Variants in FRMPD3 observed in about 807,000 individuals in gnomAD.
FRMPD3 encodes FERM and PDZ domain-containing protein 3.
A neutral mutation model predicts 97.9 loss-of-function variants in FRMPD3; 42 were observed. The observed-to-expected ratio is 0.43, with a 90% confidence interval of 0.34 to 0.55. FRMPD3 has a LOEUF of 0.55. Among genes scored for constraint, FRMPD3 ranks in the 20% least tolerant of loss-of-function variants. The pLI is 0.03. For missense variants in FRMPD3, 1,303 were observed against 1,457.7 expected (o/e 0.89, Z 1.73); for synonymous variants, 577 against 581.1 (o/e 0.99, Z 0.10).
intron 2 of FRMPD3, among the ~76,000 whole-genome samples, chrX:107,528,537 C>T (rs2147551545): frequency 8.9e-6 from 1 of 112,139 alleles, no homozygotes; most frequent in South Asian, 3.8e-4. Flanking sequence ...AGGAATTGTC[C>T]CTTGGATGGT....
In FRMPD3 at chrX:107,526,677, A is replaced by G. The variant is rs746874142; in HGVS notation, c.89A>G (p.Tyr30Cys). 8.3e-7 allele frequency: 1 copy of G among 1,207,592 alleles called. No individual in the cohort carries two copies. The highest frequency in any genetic ancestry group is 3.0e-5 in the East Asian group (1 of 33,788). Residue 30 changes from tyrosine (Y) to cysteine (C), a missense_variant, in exon 2 of 15, where the codon TAT becomes TGT. Transcript: ENST00000683843. Reference sequence around the variant, plus strand: ...GTGACCGTTCACCGAGACCCTATATATGGCTTTGGCTTCGTGGCTGGCAGT... The same window carrying G: ...GTGACCGTTCACCGAGACCCTATATGTGGCTTTGGCTTCGTGGCTGGCAGT... Reference protein sequence around the residue: ...RQVTVHRDPIYGFGFVAGSER... With the variant: ...RQVTVHRDPICGFGFVAGSER...
At chrX:107,485,558 T>C (rs995804423) in intron 1 of FRMPD3, among the ~76,000 whole-genome samples, 2 of 112,645 alleles carry the variant, frequency 1.8e-5, no homozygotes, top group African/African-American at 6.4e-5. Flanking sequence ...CTCAGTGCTG[T>C]GTTCAATAAG....
At chrX:107,592,793 C>CTTTTT (rs35096358) in intron 13 of FRMPD3, among the ~76,000 whole-genome samples, 23 of 71,323 alleles carry the variant, frequency 3.2e-4, no homozygotes, top group Non-Finnish European at 4.3e-4. Context: ...TATGACCATT[C>CTTTTT]TTTTTTTTTT....
At chrX:107,456,167 G>T (rs958276718) in intron 1 of FRMPD3, among the ~76,000 whole-genome samples, 4 of 109,679 alleles carry the variant, frequency 3.6e-5, no homozygotes, top group African/African-American at 1.3e-4. Context: ...GGGCTCAAGT[G>T]ATCCTCCCAC....
chrX:107,576,818 T>C (rs1243174152), intron 13 of FRMPD3, among the ~76,000 whole-genome samples: 1 of 111,331 alleles, frequency 9.0e-6, no homozygotes, highest in East Asian at 2.8e-4. Context: ...TCTGGCTCAG[T>C]TGAAGTGAAG....
At chrX:107,469,123 T>C (rs1194121509) in intron 1 of FRMPD3, among the ~76,000 whole-genome samples, 1 of 111,688 alleles carries the variant, frequency 9.0e-6, no homozygotes, top group African/African-American at 3.3e-5. Context: ...TTGGACTTGA[T>C]CCAGTAGGCA....
At position 107,603,562 on chromosome X, in the gene FRMPD3, C is replaced by G; in HGVS notation, c.*189C>G. The stretch of plus-strand genomic sequence containing the variant: ...TTAAGGGCTGCAGGCTTAGCTGCCG[C>G]CCTGGGTGTCCTCACCCCTTCCCTG... On this transcript the variant is annotated 3_prime_UTR_variant, in exon 15 of 15. Transcript: ENST00000683843. 1.1e-6 allele frequency: 1 copy of G among 884,431 alleles called. No individual in the cohort carries two copies. The highest frequency in any genetic ancestry group is 1.5e-6 in the Non-Finnish European group (1 of 666,837). The allele number at this position is 884,431 out of a possible 1,213,427, so 72.9% of individuals were successfully genotyped here.
In FRMPD3 at chrX:107,600,285, C is replaced by G. The variant is rs964353513; in HGVS notation, c.2264-18C>G. The G allele has an allele frequency of 1.8e-5, 21 of 1,189,243 alleles. No individual in the cohort carries two copies. Among genetic ancestry groups the G allele is most frequent in the Non-Finnish European group, 2.3e-5 (20 of 883,702 alleles). ...TTGATTTCAGTAAGCATAACAAGCC[C>G]TATCCCTGTTCCTCCAGGTCTGATT... On this transcript the variant is annotated intron_variant, in intron 14 of 14. Coordinates refer to ENST00000683843, the MANE Select transcript of FRMPD3 (RefSeq NM_001388459.1).
rs943120814 is a variant in FRMPD3, at chrX:107,603,230, C to T, written c.5191C>T (p.Gln1731Ter). Residue 1731 changes from glutamine (Q) to a stop codon, truncating the protein, a stop_gained, in exon 15 of 15, where the codon CAG becomes TAG. Transcript: ENST00000683843. LOFTEE classifies it high-confidence loss of function. Reference sequence around the variant, plus strand: ...ACAACAGCAGCAGCAGCAACAACAACAGCAGCAGCAACAACAACAGCAGCA... The same window carrying T: ...ACAACAGCAGCAGCAGCAACAACAATAGCAGCAGCAACAACAACAGCAGCA... ...QQQQQQQQQQ[Q>*]QQQQQQQQQQ... 8.8e-7 allele frequency: 1 copy of T among 1,135,812 alleles called. No individual in the cohort carries two copies. The highest frequency in any genetic ancestry group is 1.2e-6 in the Non-Finnish European group (1 of 859,170). 93.6% of individuals were successfully genotyped at this position (1,135,812 alleles called of 1,213,427 possible). A position where few individuals can be genotyped will look rare whatever the true frequency, so the allele number is the denominator to read the frequency against.
rs763498495 is a variant in FRMPD3 at position 107,598,051 on chromosome X, G to C, written c.2172G>C (p.Glu724Asp). 2.5e-6 allele frequency: 3 copies of C among 1,210,612 alleles called. No homozygotes were observed. The highest frequency in any genetic ancestry group is 3.4e-6 in the Non-Finnish European group (3 of 895,190). ...GGACAGTTCGAGATCATGCCCAGGA[G>C]CTAGATGATGCCCTGGTGTCCACTC... ...QTRTVRDHAQ[E>D]LDDALVSTLQ... The change falls in exon 14 of 15, where the codon GAG (glutamate) becomes GAC (aspartate). Residue 724 changes from glutamate to aspartate, a missense_variant. This residue lies in a region of FRMPD3 where 535 missense variants were observed against 618.6 expected (regional missense o/e 0.86). Coordinates refer to ENST00000683843, the MANE Select transcript of FRMPD3 (RefSeq NM_001388459.1).
At chrX:107,516,400 A>G (rs1440605982) in intron 1 of FRMPD3, among the ~76,000 whole-genome samples, 2 of 111,463 alleles carry the variant, frequency 1.8e-5, no homozygotes, top group African/African-American at 3.3e-5. Flanking sequence ...CAGTAATGGG[A>G]TGGATGGGTC....
intron 4 of FRMPD3, among the ~76,000 whole-genome samples, chrX:107,540,772 G>A (rs1372884239): frequency 8.9e-6 from 1 of 112,221 alleles, no homozygotes; most frequent in African/African-American, 3.2e-5. Context: ...TATGCTTAAT[G>A]GATTGGGATC....
chrX:107,594,106 A>AT (rs921531753), intron 13 of FRMPD3, among the ~76,000 whole-genome samples: 17 of 110,248 alleles, frequency 1.5e-4, no homozygotes, highest in African/African-American at 3.6e-4. Context: ...TTGGTGTTTT[A>AT]TTTTTTTTGC....
At chrX:107,554,364 C>T in intron 7 of FRMPD3, 21 bp from the exon 8 acceptor site, 1 of 1,202,152 alleles carries the variant, frequency 8.3e-7, no homozygotes, top group Non-Finnish European at 1.1e-6. Flanking sequence ...TTTCTTCTCC[C>T]CTTTCATCCC....
rs769385356 is a variant in FRMPD3, at chrX:107,564,822, GC to G, written c.1117-63del. 1.3e-4 allele frequency: 143 copies of G among 1,104,578 alleles called. 1 individual carries two copies. In the South Asian group the frequency reaches 2.5e-3, roughly 20 times the overall value. The allele number at this position is 1,104,578 out of a possible 1,213,427, so 91.0% of individuals were successfully genotyped here. A position where few individuals can be genotyped will look rare whatever the true frequency, so the allele number is the denominator to read the frequency against. On this transcript the variant is annotated intron_variant, in intron 11 of 14. Coordinates refer to ENST00000683843, the MANE Select transcript of FRMPD3 (RefSeq NM_001388459.1). ...TGCATGTTTTCTATTTCCTCCTCCT[GC>G]CTCCTCTCCCCACCTCCTCCACCCT...
Position 107,603,325 on chromosome X carries a change from G to A in FRMPD3, c.5286G>A (p.Ala1762=), listed in dbSNP as rs747215650. The A allele has an allele frequency of 8.7e-6, 10 of 1,151,351 alleles. No individual in the cohort carries two copies. In the East Asian group the frequency reaches 1.7e-4, roughly 19 times the overall value. The allele number at this position is 1,151,351 out of a possible 1,213,427, so 94.9% of individuals were successfully genotyped here. Residue 1762 remains alanine, a synonymous_variant, in exon 15 of 15, where the codon GCG becomes GCA. Coordinates refer to ENST00000683843, the MANE Select transcript of FRMPD3 (RefSeq NM_001388459.1). ...TEHPPGSPTS[A]TVMSTFTHSL... is the part of the protein sequence containing the mutation. ...ATCCACCAGGCTCCCCAACTTCGGC[G>A]ACTGTTATGAGCACATTCACCCACT...
At chrX:107,488,843 T>A (rs1434127049) in intron 1 of FRMPD3, among the ~76,000 whole-genome samples, 1 of 111,070 alleles carries the variant, frequency 9.0e-6, no homozygotes, top group Admixed American at 9.6e-5. Context: ...TTTTATTTTA[T>A]TATTATTATA....
At chrX:107,539,257 A>G (rs901276757) in intron 4 of FRMPD3, among the ~76,000 whole-genome samples, 22 of 111,613 alleles carry the variant, frequency 2.0e-4, no homozygotes, top group Non-Finnish European at 3.8e-4. Context: ...GAGGGGTCAC[A>G]GGAGTTCTTT....
chrX:107,472,473 A>G (rs919158521), intron 1 of FRMPD3, among the ~76,000 whole-genome samples: 2 of 110,946 alleles, frequency 1.8e-5, no homozygotes, highest in Non-Finnish European at 3.8e-5. Context: ...ATTTTTGTAT[A>G]AGGGCCAAGG....
Sources: allele counts gnomAD v4.1 joint callset (sites outside exome capture counted in the v4.1 genomes callset), GRCh38; gene constraint gnomAD v4.1.1; regional missense constraint gnomAD v4.1.1; transcripts MANE v1.5; gene names NCBI Gene and HGNC (gene_info 2026-07-23, HGNC 2026-07-21).